CNTN5: variants seen among roughly 807,000 people sequenced by gnomAD.
The protein encoded by CNTN5 is contactin-5.
Under a neutral mutation model 129.1 loss-of-function variants are expected in CNTN5, and 77 were observed. That is an observed-to-expected ratio of 0.60 (90% CI 0.50 to 0.72). The LOEUF (loss-of-function observed/expected upper bound fraction) is 0.72. Among genes scored for constraint, CNTN5 ranks in the 30% least tolerant of loss-of-function variants. The probability of loss-of-function intolerance (pLI) is 0.00; values close to 1 mark genes in which losing one functional copy is unlikely to be tolerated. For missense variants in CNTN5, 1,478 were observed against 1,328.8 expected (o/e 1.11, Z -1.75); for synonymous variants, 509 against 465.6 (o/e 1.09, Z -1.20).
rs77358469 is a variant in CNTN5, at chr11:99,919,205, A to G, written c.673+3056A>G. On this transcript the variant is annotated intron_variant, in intron 7 of 24. Coordinates refer to ENST00000524871, the MANE Select transcript of CNTN5 (RefSeq NM_014361.4). ...GACTCCAAGCTTTACTTCCAACGGT[A>G]TAGTATAGCATATGCATTTGTTGCA... Among the ~76,000 whole-genome samples the G allele has an allele frequency of 5.2e-3, 792 of 152,234 alleles. 8 individuals carry two copies. The highest frequency in any genetic ancestry group is 0.018 in the African/African-American group (758 of 41,552).
intron 3 of CNTN5, among the ~76,000 whole-genome samples, chr11:99,810,345 G>GTCTA (rs1345873918): frequency 2.6e-5 from 4 of 152,074 alleles, no homozygotes; most frequent in African/African-American, 9.7e-5. Flanking sequence ...TTGTAAATAT[G>GTCTA]TCTATTTTTT....
intron 23 of CNTN5, among the ~76,000 whole-genome samples, chr11:100,346,370 C>T (rs1015970958): frequency 3.9e-5 from 6 of 151,960 alleles, no homozygotes; most frequent in Admixed American, 6.6e-5. Flanking sequence ...TTTCTTTACA[C>T]GATGAAAGTA....
intron 1 of CNTN5, among the ~76,000 whole-genome samples, chr11:99,213,277 TAC>T (rs1393600907): frequency 6.9e-6 from 1 of 145,728 alleles, no homozygotes; most frequent in East Asian, 2.0e-4. Flanking sequence ...AAAATATATA[TAC>T]ATATAATATA....
At position 99,091,619 on chromosome 11, in the gene CNTN5, G is replaced by T. The variant is rs536201535; in HGVS notation, c.-210+70349G>T. On this transcript the variant is annotated intron_variant, in intron 1 of 24. Coordinates refer to ENST00000524871, the MANE Select transcript of CNTN5 (RefSeq NM_014361.4). ...CCACCAAGGGAGAGGTTGTCTATCA[G>T]GAGCTGAAATCACAGAAGAGGCACT... is the stretch of plus-strand genomic sequence containing the variant. Among the ~76,000 whole-genome samples the T allele has an allele frequency of 2.6e-5, 4 of 152,276 alleles. No individual in the cohort carries two copies. In the East Asian group the frequency reaches 7.7e-4, roughly 29 times the overall value.
intron 6 of CNTN5, among the ~76,000 whole-genome samples, chr11:99,897,677 T>G (rs917766945): frequency 2.0e-5 from 3 of 152,138 alleles, no homozygotes; most frequent in Admixed American, 6.6e-5. Flanking sequence ...GGATGATACT[T>G]GGCATCAGAA....
In CNTN5 at chr11:99,298,197, A is replaced by C. The variant is rs574445948; in HGVS notation, c.-209-27149A>C. 5.3e-5 allele frequency among the ~76,000 whole-genome samples: 8 copies of C among 152,314 alleles called. No homozygotes were observed. The South Asian group carries it at 1.7e-3, about 32-fold the overall frequency. On this transcript the variant is annotated intron_variant, in intron 1 of 24. Coordinates refer to ENST00000524871, the MANE Select transcript of CNTN5 (RefSeq NM_014361.4). ...AAAAGAAAAACTTCAGAATTAATTT[A>C]AAGGAGTTTAATTGAGCAATGAATG...
chr11:99,530,457 C>T (rs552255869), intron 2 of CNTN5, among the ~76,000 whole-genome samples: 15 of 141,678 alleles, frequency 1.1e-4, no homozygotes, highest in Non-Finnish European at 2.4e-4. Flanking sequence ...ATGTGATACA[C>T]TTTTAGTCTA....
intron 21 of CNTN5, among the ~76,000 whole-genome samples, chr11:100,328,591 T>C (rs537687845): frequency 6.6e-6 from 1 of 152,130 alleles, no homozygotes; most frequent in Admixed American, 6.5e-5. Flanking sequence ...TGCCACAGAC[T>C]TTTAAGCAAC....
chr11:99,596,860 T>C (rs749749347), intron 3 of CNTN5, among the ~76,000 whole-genome samples: 8 of 152,148 alleles, frequency 5.3e-5, no homozygotes, highest in Admixed American at 2.6e-4. Flanking sequence ...CAATAAATTA[T>C]ATTGGGTTGA....
intron 4 of CNTN5, among the ~76,000 whole-genome samples, chr11:99,833,324 C>T (rs922768158): frequency 5.3e-5 from 8 of 152,002 alleles, no homozygotes; most frequent in African/African-American, 9.7e-5. Flanking sequence ...CAGACAATCC[C>T]TAATTTAAGG....
At chr11:99,855,993 A>G (rs1475397184) in intron 6 of CNTN5, among the ~76,000 whole-genome samples, 1 of 152,166 alleles carries the variant, frequency 6.6e-6, no homozygotes, top group Non-Finnish European at 1.5e-5. Flanking sequence ...AAAAAGTCTC[A>G]TGATGGTTAG....
intron 3 of CNTN5, among the ~76,000 whole-genome samples, chr11:99,617,086 G>T (rs1290691434): frequency 1.3e-5 from 2 of 152,160 alleles, no homozygotes; most frequent in Non-Finnish European, 2.9e-5. Context: ...ACTCTAGCCT[G>T]GGCAACAGAG....
intron 18 of CNTN5, among the ~76,000 whole-genome samples, chr11:100,283,907 T>C (rs1950702733): frequency 6.6e-6 from 1 of 151,972 alleles, no homozygotes; most frequent in African/African-American, 2.4e-5. Context: ...GATCGGGCCA[T>C]TGCACTCCAT....
chr11:99,450,812 A>G (rs1288866629), intron 2 of CNTN5, among the ~76,000 whole-genome samples: 1 of 141,070 alleles, frequency 7.1e-6, no homozygotes, highest in African/African-American at 2.6e-5. Context: ...CATGTCTGAA[A>G]GGGAAAGGGC....
At chr11:99,277,218 G>C (rs1399094428) in intron 1 of CNTN5, among the ~76,000 whole-genome samples, 1 of 151,688 alleles carries the variant, frequency 6.6e-6, no homozygotes. Context: ...TTTTAAGCCA[G>C]ACATTCTTCC....
rs867174950 is a variant in CNTN5, at chr11:99,575,274, G to C, written c.55+19005G>C. Among the ~76,000 whole-genome samples, 32 of 152,230 alleles carry C rather than the reference G, an allele frequency of 2.1e-4. 1 individual carries two copies. The Middle Eastern group carries it at 0.02, about 97-fold the overall frequency. On this transcript the variant is annotated intron_variant, in intron 3 of 24. Coordinates refer to ENST00000524871, the MANE Select transcript of CNTN5 (RefSeq NM_014361.4). ...AAATTTGATACTTAAAGAAAGTTAA[G>C]AGAAGTGAAAAAGAAGTCACCAGGC...
At chr11:99,915,661 G>A (rs748077063) in intron 6 of CNTN5, among the ~76,000 whole-genome samples, 13 of 152,098 alleles carry the variant, frequency 8.5e-5, no homozygotes, top group South Asian at 2.1e-4. Flanking sequence ...TGAAGAAGCC[G>A]GTGGGACACC....
chr11:99,109,717 C>T (rs971768824), intron 1 of CNTN5, among the ~76,000 whole-genome samples: 3 of 152,076 alleles, frequency 2.0e-5, no homozygotes, highest in Non-Finnish European at 4.4e-5. Context: ...CTTCCCTAGG[C>T]ACAATGGCTT....
intron 3 of CNTN5, among the ~76,000 whole-genome samples, chr11:99,711,031 G>A (rs888055119): frequency 6.6e-6 from 1 of 151,900 alleles, no homozygotes; most frequent in African/African-American, 2.4e-5. Flanking sequence ...ATTCAAAGGA[G>A]TACTTTATTC....
Sources: gnomAD v4.1 joint callset for allele counts (sites outside exome capture counted in the v4.1 genomes callset) on GRCh38, gnomAD v4.1.1 for gene constraint, MANE v1.5 for transcripts, NCBI Gene and HGNC (gene_info 2026-07-23, HGNC 2026-07-21) for gene names.